The following FARP1 variants were observed in gnomAD, a reference collection of about 807,000 sequenced individuals.
FARP1 encodes FERM, ARH/RhoGEF and pleckstrin domain protein 1, also known as FERM, ARHGEF and pleckstrin domain-containing protein 1.
FARP1 carries 52 observed loss-of-function variants against 128.8 expected under a neutral mutation model. The observed-to-expected ratio is 0.40, with a 90% CI of 0.32 to 0.51. FARP1 has a LOEUF of 0.51. Among genes scored for constraint, FARP1 ranks in the 20% least tolerant of loss-of-function variants. The probability of loss-of-function intolerance (pLI) is 0.45; values close to 1 mark genes in which losing one functional copy is unlikely to be tolerated. For missense variants in FARP1, 1,333 were observed against 1,367.9 expected (o/e 0.97, Z 0.40); for synonymous variants, 580 against 551.8 (o/e 1.05, Z -0.72).
chr13:98,424,558 G>T lies in FARP1; in HGVS notation c.1827-14G>T. 1.9e-6 allele frequency: 3 copies of T among 1,582,186 alleles called. No individual in the cohort carries two copies. The highest frequency in any genetic ancestry group is 2.6e-6 in the Non-Finnish European group (3 of 1,150,902). ...TGATGCTTTGTATTTCCAACCCTTT[G>T]CTTTTGCTCTCAGGGAAGGCCGCTC... On this transcript the variant is annotated splice_polypyrimidine_tract_variant and intron_variant, in intron 16 of 26. Coordinates refer to ENST00000319562, the MANE Select transcript of FARP1 (RefSeq NM_005766.4).
chr13:98,221,065 G>A (rs544026201), intron 2 of FARP1, among the ~76,000 whole-genome samples: 4 of 152,272 alleles, frequency 2.6e-5, no homozygotes, highest in Admixed American at 1.3e-4. Flanking sequence ...GGGCCGCCTC[G>A]CTTCCTACCT....
At position 98,246,185 on chromosome 13, in the gene FARP1, C is replaced by G. The variant is rs369623159; in HGVS notation, c.171+32772C>G. On this transcript the variant is annotated intron_variant, in intron 2 of 26. Transcript: ENST00000319562. ...TCTCGGCTCACTGCAGGCTCCGCCC[C>G]CTGGGGTTCACGCCATTCTCCTGCC... 3.5e-4 allele frequency among the ~76,000 whole-genome samples: 48 copies of G among 138,442 alleles called. No homozygotes were observed. In the East Asian group the frequency reaches 0.01, roughly 30 times the overall value. The allele number at this position is 138,442 out of a possible 152,430, so 90.8% of individuals were successfully genotyped here.
At chr13:98,178,999 C>A (rs1277280758) in intron 1 of FARP1, among the ~76,000 whole-genome samples, 1 of 152,150 alleles carries the variant, frequency 6.6e-6, no homozygotes, top group East Asian at 1.9e-4. Flanking sequence ...ACTGGACTGT[C>A]CTTTGTGTGA....
intron 9 of FARP1, among the ~76,000 whole-genome samples, chr13:98,389,129 T>G (rs1890208770): frequency 6.6e-6 from 1 of 152,256 alleles, no homozygotes; most frequent in Non-Finnish European, 1.5e-5. Context: ...AGGCTTATAG[T>G]GTAGCTACAG....
rs993125147 is a variant in FARP1, at chr13:98,176,291, C to T, written c.-24+32799C>T. ...TGGGACTTGCCCCCACCTTCTGCAG[C>T]CTGAAGCTTTTGCAGTTTCGCCATC... is the stretch of plus-strand genomic sequence containing the variant. On this transcript the variant is annotated intron_variant, in intron 1 of 26. Transcript: ENST00000319562. The surrounding 1 kb of genome is among the most constrained non-coding windows in gnomAD (Gnocchi z 6.2). The T allele has an allele frequency of 2.8e-5, 45 of 1,612,344 alleles. No homozygotes were observed. The highest frequency in any genetic ancestry group is 3.5e-5 in the Non-Finnish European group (41 of 1,178,750).
intron 2 of FARP1, among the ~76,000 whole-genome samples, chr13:98,268,207 A>G (rs1442805693): frequency 2.0e-5 from 3 of 152,150 alleles, no homozygotes; most frequent in African/African-American, 7.2e-5. Flanking sequence ...AGTCCTGCCC[A>G]TTTGTTTTGG....
intron 2 of FARP1, among the ~76,000 whole-genome samples, chr13:98,300,956 A>G (rs959502886): frequency 3.9e-5 from 6 of 152,110 alleles, no homozygotes; most frequent in South Asian, 2.1e-4. Context: ...GGTCTCTCCA[A>G]CCCTGGAATT....
chr13:98,334,492 G>A (rs1467131064), intron 2 of FARP1: 1 of 152,064 alleles, frequency 6.6e-6, no homozygotes, highest in East Asian at 1.9e-4. Flanking sequence ...TCATGTGCCA[G>A]GCCTTTTGCT....
At chr13:98,445,938 C>A (rs1892806011) in intron 24 of FARP1, 160 bp from the exon 25 acceptor site, 2 of 585,706 alleles carry the variant, frequency 3.4e-6, no homozygotes, top group Non-Finnish European at 6.1e-6. Flanking sequence ...GGTCCCAGGA[C>A]CTGCCAAGTC....
intron 2 of FARP1, among the ~76,000 whole-genome samples, chr13:98,274,310 AGGCAGCGCGG>A (rs762274840): frequency 7.9e-5 from 12 of 152,284 alleles, no homozygotes; most frequent in Non-Finnish European, 1.5e-4. Flanking sequence ...GGTTTAGAAA[AGGCAGCGCGG>A]GGCAGCGTGG....
chr13:98,317,898 C>T (rs1381919055), intron 2 of FARP1, among the ~76,000 whole-genome samples: 1 of 150,872 alleles, frequency 6.6e-6, no homozygotes, highest in Admixed American at 6.6e-5. Flanking sequence ...CTCTCTCTCT[C>T]CCTCCCTCCT....
intron 5 of FARP1, among the ~76,000 whole-genome samples, chr13:98,377,478 G>A (rs558015117): frequency 3.3e-5 from 5 of 151,752 alleles, no homozygotes; most frequent in African/African-American, 1.2e-4. Context: ...ATAGAACCAT[G>A]TTAGAGTATG....
chr13:98,393,790 A>G lies in FARP1; in HGVS notation c.1164+72A>G, dbSNP rs530296571. 1.4e-5 allele frequency: 16 copies of G among 1,174,740 alleles called. No individual in the cohort carries two copies. In the South Asian group the frequency reaches 1.7e-4, roughly 12 times the overall value. 72.8% of individuals were successfully genotyped at this position (1,174,740 alleles called of 1,614,324 possible). A position where few individuals can be genotyped will look rare whatever the true frequency, so the allele number is the denominator to read the frequency against. On this transcript the variant is annotated intron_variant, in intron 12 of 26. Coordinates refer to ENST00000319562, the MANE Select transcript of FARP1 (RefSeq NM_005766.4). ...TCCTCCACGGAGCCCTGGGCTTCAGAGCGGGCTTTCTTGTTCTCTGTCCTT... is the reference window on the plus strand; with the variant it reads ...TCCTCCACGGAGCCCTGGGCTTCAGGGCGGGCTTTCTTGTTCTCTGTCCTT...
chr13:98,196,202 TA>T (rs1003991535), intron 1 of FARP1, among the ~76,000 whole-genome samples: 4 of 152,148 alleles, frequency 2.6e-5, no homozygotes, highest in Non-Finnish European at 5.9e-5. Context: ...TGATTGCATC[TA>T]AAATGACTGA....
chr13:98,236,148 G>A (rs115211654), intron 2 of FARP1, among the ~76,000 whole-genome samples: 1,806 of 152,154 alleles, frequency 0.012, 44 homozygotes, highest in African/African-American at 0.041. Flanking sequence ...TTCTAGGCCC[G>A]TTTTTAGAAC....
intron 1 of FARP1, among the ~76,000 whole-genome samples, chr13:98,192,847 C>T (rs768280006): frequency 7.2e-5 from 11 of 152,026 alleles, no homozygotes; most frequent in East Asian, 1.9e-4. Flanking sequence ...GAACTTGGTC[C>T]GTCTAATTTT....
chr13:98,390,488 C>G, intron 10 of FARP1: 1 of 436,268 alleles, frequency 2.3e-6, no homozygotes, highest in Non-Finnish European at 4.1e-6. Context: ...GTGTCAAATA[C>G]TGTTCCAGGC....
Position 98,143,885 on chromosome 13 carries a change from A to G in FARP1, c.-24+393A>G, listed in dbSNP as rs548157598. ...CGCCGCTTCCGGACCTCGGGCCGCA[A>G]TCTCGGCCCCTGAGGCCGGTTGCGG... On this transcript the variant is annotated intron_variant, in intron 1 of 26. Transcript: ENST00000319562. 2.5e-4 allele frequency among the ~76,000 whole-genome samples: 38 copies of G among 151,702 alleles called. No homozygotes were observed. The East Asian group carries it at 7.3e-3, about 29-fold the overall frequency.
chr13:98,380,735 A>G (rs2140024189), intron 6 of FARP1, among the ~76,000 whole-genome samples: 1 of 152,074 alleles, frequency 6.6e-6, no homozygotes, highest in Middle Eastern at 3.4e-3. Flanking sequence ...CATCAGGTCT[A>G]GCTAATTTTT....
Sources: allele counts gnomAD v4.1 joint callset (sites outside exome capture counted in the v4.1 genomes callset), GRCh38; gene constraint gnomAD v4.1.1; non-coding constraint Gnocchi (gnomAD v3.1); transcripts MANE v1.5; gene names NCBI Gene and HGNC (gene_info 2026-07-23, HGNC 2026-07-21).